The following TMEM200C variants were observed in gnomAD, a reference collection of about 807,000 sequenced individuals.
The protein encoded by TMEM200C is transmembrane protein 200C.
For synonymous variants in TMEM200C, 462 were observed against 324.7 expected, an observed-to-expected ratio of 1.42 and a Z score of -4.55; for missense variants, 966 against 699.9, an observed-to-expected ratio of 1.38 and a Z score of -4.29.
intron 2 of TMEM200C, among the ~76,000 whole-genome samples, chr18:5,893,466 T>C (rs567340272): frequency 2.0e-5 from 3 of 152,302 alleles, no homozygotes; most frequent in South Asian, 4.1e-4. Flanking sequence ...AATTACAGTC[T>C]TGCTGTATCT....
At position 5,890,844 on chromosome 18, in the gene TMEM200C, T is replaced by TC; in HGVS notation, c.1219dup (p.Glu407GlyfsTer123). 5 of 677,868 alleles carry TC rather than the reference T, an allele frequency of 7.4e-6. No homozygotes were observed. The highest frequency in any genetic ancestry group is 3.1e-5 in the South Asian group (2 of 65,204). 42.0% of individuals were successfully genotyped at this position (677,868 alleles called of 1,614,324 possible). A position where few individuals can be genotyped will look rare whatever the true frequency, so the allele number is the denominator to read the frequency against. On this transcript the variant is annotated frameshift_variant, in exon 3 of 3. Transcript: ENST00000581347. LOFTEE classifies it low-confidence loss of function (END_TRUNC). The stretch of plus-strand genomic sequence containing the variant: ...CCTCGGGATCTCCTGGGAGCCGCGT[T>TC]CCCCCGGAGGCCTCTGCCAGCTGCA...
At chr18:5,886,932 A>AACCTTTGTATAAT (rs1429702754) in exon 3 of TMEM200C, 1 of 152,220 alleles carries the variant, frequency 6.6e-6, no homozygotes, top group African/African-American at 2.4e-5. Context: ...AAAAGGAACA[A>AACCTTTGTATAAT]ACCTTTGTAT....
Position 5,891,691 on chromosome 18 carries a change from A to G in TMEM200C, c.373T>C (p.Ser125Pro). Reference sequence around the variant, plus strand: ...CTCCTGGGCGCGCCCGCGGAACTGGAGTTGACACCCCCTGGAGCCCTAGGG... The same window carrying G: ...CTCCTGGGCGCGCCCGCGGAACTGGGGTTGACACCCCCTGGAGCCCTAGGG... The change falls in exon 3 of 3, where the codon TCC becomes CCC. Residue 125 changes from serine (S) to proline (P), a missense_variant. By Grantham distance (74) the Ser-to-Pro change is moderately conservative. Coordinates refer to ENST00000581347, the Ensembl canonical transcript of TMEM200C. This position sits in a 1 kb window ranked among gnomAD's most constrained non-coding sequence, Gnocchi z 4.7. 1 of 1,613,546 alleles carries G rather than the reference A, an allele frequency of 6.2e-7. No homozygotes were observed. The highest frequency in any genetic ancestry group is 8.5e-7 in the Non-Finnish European group (1 of 1,179,808).
At position 5,890,389 on chromosome 18, in the gene TMEM200C, G is replaced by A. The variant is rs755370194; in HGVS notation, c.1675C>T (p.Arg559Ter). 6.3e-7 allele frequency: 1 copy of A among 1,582,734 alleles called. No homozygotes were observed. The highest frequency in any genetic ancestry group is 8.6e-7 in the Non-Finnish European group (1 of 1,159,888). The change falls in exon 3 of 3, where the codon CGA becomes TGA. Residue 559 changes from arginine to a stop codon, truncating the protein, a stop_gained. Transcript: ENST00000581347. LOFTEE classifies it low-confidence loss of function (END_TRUNC). Reference sequence around the variant, plus strand: ...ACGGGGGCGGCCACAGCAGAGTCTCGCGTTTGACCAGCTACTGCGTCCAAG... The same window carrying A: ...ACGGGGGCGGCCACAGCAGAGTCTCACGTTTGACCAGCTACTGCGTCCAAG...
At chr18:5,885,433 A>C (rs1246329038) in exon 3 of TMEM200C, 1 of 152,182 alleles carries the variant, frequency 6.6e-6, no homozygotes, top group Non-Finnish European at 1.5e-5. Flanking sequence ...TGGCATTATT[A>C]AAGGGGCAAC....
chr18:5,894,448 C>A (rs561491017), intron 2 of TMEM200C, among the ~76,000 whole-genome samples: 8 of 152,310 alleles, frequency 5.3e-5, no homozygotes, highest in East Asian at 1.9e-4. Context: ...TTCCTTTATA[C>A]CTAATGAAAG....
rs1243572142 is a variant in TMEM200C at position 5,891,467 on chromosome 18, G to A, written c.597C>T (p.Asn199=). The A allele has an allele frequency of 1.3e-6, 2 of 1,578,872 alleles. No homozygotes were observed. Among genetic ancestry groups the A allele is most frequent in the Admixed American group, 1.8e-5 (1 of 54,134 alleles). The change falls in exon 3 of 3, where the codon AAC becomes AAT. Residue 199 remains asparagine (N), a synonymous_variant. Coordinates refer to ENST00000581347, the Ensembl canonical transcript of TMEM200C. The surrounding 1 kb of genome is among the most constrained non-coding windows in gnomAD (Gnocchi z 4.7). Reference sequence around the variant, plus strand: ...TGACGGTGGAGTAGAGGTCCCGCAGGTTGATGATTTTGGTCTTCTTGTCCC... The same window carrying A: ...TGACGGTGGAGTAGAGGTCCCGCAGATTGATGATTTTGGTCTTCTTGTCCC...
At chr18:5,894,908 A>G (rs1258977130) in intron 2 of TMEM200C, 122 bp downstream of exon 1, 1 of 152,340 alleles carries the variant, frequency 6.6e-6, no homozygotes, top group Non-Finnish European at 1.5e-5. Context: ...CCTCTCACCG[A>G]ACACCAGCCC....
At chr18:5,896,030 T>G (rs959721528), upstream of TMEM200C, 9 of 152,340 alleles carry the variant, frequency 5.9e-5, no homozygotes, top group African/African-American at 2.2e-4. Flanking sequence ...CGGCGCAGCC[T>G]GGGCTCTCTT....
exon 3 of TMEM200C, chr18:5,890,697 C>A: frequency 2.0e-6 from 1 of 502,050 alleles, no homozygotes. Context: ...GGGCAGGCGG[C>A]CGCCCTGCCC....
chr18:5,892,365 A>T (rs367769096), intron 2 of TMEM200C, among the ~76,000 whole-genome samples: 3 of 152,340 alleles, frequency 2.0e-5, no homozygotes, highest in African/African-American at 2.4e-5. Flanking sequence ...ATAGGTGGTT[A>T]TAAAACATTG....
At chr18:5,886,874 A>G (rs941913372) in exon 3 of TMEM200C, 1 of 152,226 alleles carries the variant, frequency 6.6e-6, no homozygotes, top group South Asian at 2.1e-4. Flanking sequence ...ATTAATAAAA[A>G]GGAAGGTCAT....
exon 3 of TMEM200C, chr18:5,886,668 G>T (rs983280429): frequency 6.6e-6 from 1 of 152,078 alleles, no homozygotes; most frequent in Non-Finnish European, 1.5e-5. Flanking sequence ...GCCAGGAGTT[G>T]TTCTAAGTCC....
chr18:5,886,962 G>A (rs574521066), exon 3 of TMEM200C: 6 of 152,216 alleles, frequency 3.9e-5, no homozygotes, highest in African/African-American at 1.4e-4. Context: ...TATGTTCCAA[G>A]CCCATTATAA....
chr18:5,884,646 T>A (rs1344728652), exon 3 of TMEM200C: 1 of 152,168 alleles, frequency 6.6e-6, no homozygotes, highest in Non-Finnish European at 1.5e-5. Context: ...GAAACACAGC[T>A]GCTTACTATA....
intron 2 of TMEM200C, among the ~76,000 whole-genome samples, 167 bp from the exon 2 acceptor site, chr18:5,892,324 C>T (rs946132909): frequency 1.3e-4 from 20 of 152,162 alleles, no homozygotes; most frequent in African/African-American, 4.8e-4. Context: ...CAGGTAGACA[C>T]TAGGGAAGGG....
chr18:5,891,283 G>C lies in TMEM200C; in HGVS notation c.781C>G (p.Leu261Val), dbSNP rs1234407005. ...GAGCCACCGCAGCCCCCGGGCTTCA[G>C]CTCCAGGCCCCGCGACTGCACGTAG... The change falls in exon 3 of 3, where the codon CTG becomes GTG. Residue 261 changes from leucine to valine, a missense_variant. By Grantham distance (32) the Leu-to-Val change is conservative. Transcript: ENST00000581347. The surrounding 1 kb of genome is among the most constrained non-coding windows in gnomAD (Gnocchi z 4.7). The C allele has an allele frequency of 7.1e-7, 1 of 1,414,712 alleles. No individual in the cohort carries two copies. The allele number at this position is 1,414,712 out of a possible 1,614,324, so 87.6% of individuals were successfully genotyped here. A position where few individuals can be genotyped will look rare whatever the true frequency, so the allele number is the denominator to read the frequency against.
At chr18:5,882,512 C>G (rs1210876467) in exon 3 of TMEM200C, 1 of 152,134 alleles carries the variant, frequency 6.6e-6, no homozygotes, top group Non-Finnish European at 1.5e-5. Flanking sequence ...TAGTTTTGGA[C>G]ATCCATGGGA....
Position 5,890,759 on chromosome 18 carries a change from C to G in TMEM200C, c.1305G>C (p.Ala435=), listed in dbSNP as rs758227444. 6.5e-5 allele frequency: 39 copies of G among 603,128 alleles called. No individual in the cohort carries two copies. The South Asian group carries it at 7.2e-4, about 11-fold the overall frequency. 37.4% of individuals were successfully genotyped at this position (603,128 alleles called of 1,614,324 possible). A position where few individuals can be genotyped will look rare whatever the true frequency, so the allele number is the denominator to read the frequency against. The change falls in exon 3 of 3, where the codon GCG becomes GCC. Residue 435 remains alanine, a synonymous_variant. Transcript: ENST00000581347. ...CCTCGGGCTCCTCCGGCTCCCGGCG[C>G]GCCCCGCGCATGCTGCCCTCTGCGC...
Sources: gnomAD v4.1 joint callset for allele counts (sites outside exome capture counted in the v4.1 genomes callset) on GRCh38, gnomAD v4.1.1 for gene constraint, Gnocchi (gnomAD v3.1) non-coding constraint, MANE v1.5 for transcripts, NCBI Gene and HGNC (gene_info 2026-07-23, HGNC 2026-07-21) for gene names.